Variants in CNOT4 observed in about 807,000 individuals in gnomAD.
The protein encoded by CNOT4 is CCR4-NOT transcription complex subunit 4.
A neutral mutation model predicts 73.8 loss-of-function variants in CNOT4; 8 were observed. That is an observed-to-expected ratio of 0.11 (90% CI 0.06 to 0.20). CNOT4 has a LOEUF of 0.20. CNOT4 is among the 10% of genes least tolerant of loss of function. The pLI is 1.00. For missense variants in CNOT4, 564 were observed against 883.4 expected, an observed-to-expected ratio of 0.64 and a Z score of 4.58; for synonymous variants, 293 against 321.1, an observed-to-expected ratio of 0.91 and a Z score of 0.94.
chr7:135,498,450 G>T (rs1214915619), intron 1 of CNOT4, among the ~76,000 whole-genome samples: 2 of 152,134 alleles, frequency 1.3e-5, no homozygotes, highest in African/African-American at 4.8e-5. Flanking sequence ...GGTCTAACTT[G>T]TGTTCTTTTG....
rs1407234317 is a variant in CNOT4 at position 135,362,205 on chromosome 7, T to G, written c.*680A>C. 6.6e-6 allele frequency: 1 copy of G among 152,458 alleles called. No homozygotes were observed. 9.4% of individuals were successfully genotyped at this position (152,458 alleles called of 1,614,324 possible). A position where few individuals can be genotyped will look rare whatever the true frequency, so the allele number is the denominator to read the frequency against. ...TACTTTAAATCTAAAGCCAAAAAAT[T>G]TTTCTCCTTTAAAAAAATTACTTCT... On this transcript the variant is annotated 3_prime_UTR_variant, in exon 12 of 12. Coordinates refer to ENST00000541284, the MANE Select transcript of CNOT4 (RefSeq NM_001190850.2).
chr7:135,395,871 C>T lies in CNOT4; in HGVS notation c.892G>A (p.Asp298Asn), dbSNP rs962002673. ...GDNSQQISNS[D>N]TPSPPPGLSK... Reference sequence around the variant, plus strand: ...AAACCAGGTGGTGGTGAAGGCGTATCACTGTTAGATATCTGAATAAAAAAG... The same window carrying T: ...AAACCAGGTGGTGGTGAAGGCGTATTACTGTTAGATATCTGAATAAAAAAG... The change falls in exon 9 of 12, where the codon GAT becomes AAT. Residue 298 changes from aspartate to asparagine, a missense_variant. Asp to Asn is a conservative substitution (Grantham distance 23). This residue lies in a region of CNOT4 where 135 missense variants were observed against 154.0 expected (regional missense o/e 0.88). Transcript: ENST00000541284. The T allele has an allele frequency of 6.2e-7, 1 of 1,604,528 alleles. No individual in the cohort carries two copies. Among genetic ancestry groups the T allele is most frequent in the Non-Finnish European group, 8.5e-7 (1 of 1,171,252 alleles).
intron 3 of CNOT4, among the ~76,000 whole-genome samples, chr7:135,415,573 CA>C (rs1425165116): frequency 2.0e-5 from 3 of 151,932 alleles, no homozygotes; most frequent in African/African-American, 7.3e-5. Flanking sequence ...TTCTTAAACA[CA>C]AAACAGATCA....
chr7:135,457,267 C>T lies in CNOT4; in HGVS notation c.-92-18844G>A, dbSNP rs1399563275. On this transcript the variant is annotated intron_variant, in intron 1 of 11. Transcript: ENST00000541284. ...AAAAGGTCAGTATTATCTAACTGTA[C>T]TTCAATAATACACAGTGAAAGGAAA... Among the ~76,000 whole-genome samples, 3 of 151,416 alleles carry T rather than the reference C, an allele frequency of 2.0e-5. No homozygotes were observed. The East Asian group carries it at 5.8e-4, about 29-fold the overall frequency.
intron 2 of CNOT4, among the ~76,000 whole-genome samples, chr7:135,430,984 C>G (rs543945889): frequency 1.4e-4 from 21 of 152,252 alleles, no homozygotes; most frequent in Admixed American, 6.5e-4. Context: ...AAACACAGAG[C>G]CAGGTGCAGT....
intron 10 of CNOT4, among the ~76,000 whole-genome samples, chr7:135,372,336 A>C (rs1795252917): frequency 6.6e-6 from 1 of 152,214 alleles, no homozygotes; most frequent in Non-Finnish European, 1.5e-5. Flanking sequence ...GAATAATTAT[A>C]CTTGAGTTCT....
At chr7:135,505,814 C>T (rs1463295396) in intron 1 of CNOT4, among the ~76,000 whole-genome samples, 3 of 151,906 alleles carry the variant, frequency 2.0e-5, no homozygotes, top group East Asian at 1.9e-4. Context: ...AATAAAGAAT[C>T]GTATCATAAA....
chr7:135,421,782 C>T (rs750187994), intron 3 of CNOT4, among the ~76,000 whole-genome samples: 3 of 152,192 alleles, frequency 2.0e-5, no homozygotes, highest in Non-Finnish European at 4.4e-5. Flanking sequence ...GTTCAAACAA[C>T]TGCACCTCCA....
At chr7:135,506,367 G>A (rs1804366140) in intron 1 of CNOT4, among the ~76,000 whole-genome samples, 1 of 152,182 alleles carries the variant, frequency 6.6e-6, no homozygotes. Context: ...AACCAAATGA[G>A]CTGAATGTAA....
rs1281568227 is a variant in CNOT4 at position 135,509,874 on chromosome 7, C to A, written c.-93+15G>T. 2 of 394,780 alleles carry A rather than the reference C, an allele frequency of 5.1e-6. No homozygotes were observed. Among genetic ancestry groups the A allele is most frequent in the African/African-American group, 4.1e-5 (2 of 48,482 alleles). 24.5% of individuals were successfully genotyped at this position (394,780 alleles called of 1,614,324 possible). A position where few individuals can be genotyped will look rare whatever the true frequency, so the allele number is the denominator to read the frequency against. On this transcript the variant is annotated intron_variant, in intron 1 of 11. Coordinates refer to ENST00000541284, the MANE Select transcript of CNOT4 (RefSeq NM_001190850.2). ...GCCCCGGGTTTCCCCTAAGCCCAGCCCCGCATAGACTCACCCGCCTGCCTT... is the reference window on the plus strand; with the variant it reads ...GCCCCGGGTTTCCCCTAAGCCCAGCACCGCATAGACTCACCCGCCTGCCTT...
At chr7:135,499,439 A>G (rs1299192972) in intron 1 of CNOT4, among the ~76,000 whole-genome samples, 1 of 152,156 alleles carries the variant, frequency 6.6e-6, no homozygotes, top group Admixed American at 6.6e-5. Flanking sequence ...AGCACCCCCA[A>G]GGCCACTCAC....
chr7:135,380,856 A>G (rs1474178550), intron 10 of CNOT4, among the ~76,000 whole-genome samples: 1 of 152,182 alleles, frequency 6.6e-6, no homozygotes, highest in Non-Finnish European at 1.5e-5. Flanking sequence ...GTTAAAGACT[A>G]TGTTATATTT....
chr7:135,470,571 TA>T (rs34649236), intron 1 of CNOT4, among the ~76,000 whole-genome samples: 93,899 of 145,638 alleles, frequency 0.64, 29,912 homozygotes, highest in East Asian at 0.76. Flanking sequence ...GACTCTGTCT[TA>T]AAAAAAAAAA....
chr7:135,419,105 C>A (rs1798032965), intron 3 of CNOT4, among the ~76,000 whole-genome samples: 1 of 152,088 alleles, frequency 6.6e-6, no homozygotes, highest in South Asian at 2.1e-4. Context: ...TCATCATTAC[C>A]TCTATCGTTG....
intron 3 of CNOT4, among the ~76,000 whole-genome samples, chr7:135,421,856 C>T (rs1461780319): frequency 2.0e-5 from 3 of 152,166 alleles, no homozygotes; most frequent in African/African-American, 7.2e-5. Flanking sequence ...CACATGTTAG[C>T]CTTAACAGCA....
chr7:135,451,890 T>C (rs975994996), intron 1 of CNOT4, among the ~76,000 whole-genome samples: 4 of 152,288 alleles, frequency 2.6e-5, no homozygotes, highest in East Asian at 3.9e-4. Flanking sequence ...CACTGTACCA[T>C]AGACATGTGC....
At chr7:135,400,464 C>T (rs112731276) in intron 7 of CNOT4, among the ~76,000 whole-genome samples, 5,738 of 152,090 alleles carry the variant, frequency 0.038, 332 homozygotes, top group African/African-American at 0.12. Context: ...TTACAAAGGA[C>T]GATTTCTAGT....
chr7:135,484,295 C>T (rs767921178), intron 1 of CNOT4, among the ~76,000 whole-genome samples: 5 of 152,066 alleles, frequency 3.3e-5, no homozygotes, highest in Non-Finnish European at 7.4e-5. Context: ...TCTTATCCAA[C>T]ATAATTATGG....
intron 2 of CNOT4, among the ~76,000 whole-genome samples, chr7:135,433,491 G>T (rs899556685): frequency 6.6e-6 from 1 of 151,152 alleles, no homozygotes; most frequent in Non-Finnish European, 1.5e-5. Context: ...CGAGTAGCTG[G>T]GACTACAAGC....
Sources: allele counts gnomAD v4.1 joint callset (sites outside exome capture counted in the v4.1 genomes callset), GRCh38; gene constraint gnomAD v4.1.1; regional missense constraint gnomAD v4.1.1; transcripts MANE v1.5; gene names NCBI Gene and HGNC (gene_info 2026-07-23, HGNC 2026-07-21).